The following CRACR2A variants were observed in gnomAD, a reference collection of about 807,000 sequenced individuals.
The protein encoded by CRACR2A is EF-hand calcium-binding domain-containing protein 4B.
CRACR2A carries 79 observed loss-of-function variants against 90.5 expected under a neutral mutation model. The observed-to-expected ratio is 0.87, with a 90% CI of 0.73 to 1.05. The LOEUF is 1.05. Ranked by LOEUF, CRACR2A falls within the 50% of genes least tolerant of loss-of-function variation. The pLI is 0.00. For synonymous variants in CRACR2A, 338 were observed against 356.7 expected (o/e 0.95, Z 0.59); for missense variants, 823 against 897.2 (o/e 0.92, Z 1.06).
intron 1 of CRACR2A, among the ~76,000 whole-genome samples, chr12:3,749,369 C>T (rs2137933681): frequency 6.6e-6 from 1 of 152,314 alleles, no homozygotes; most frequent in Admixed American, 6.5e-5. Flanking sequence ...TCATGTCCAC[C>T]TGGTTATCTC....
intron 3 of CRACR2A, among the ~76,000 whole-genome samples, chr12:3,710,384 C>T (rs1229057651): frequency 6.6e-6 from 1 of 152,148 alleles, no homozygotes; most frequent in Admixed American, 6.5e-5. Flanking sequence ...ACATTTATTT[C>T]TCCCAGTTCT....
At chr12:3,723,017 A>T (rs1311416863) in intron 2 of CRACR2A, among the ~76,000 whole-genome samples, 1 of 152,178 alleles carries the variant, frequency 6.6e-6, no homozygotes, top group African/African-American at 2.4e-5. Flanking sequence ...ACTACATCCA[A>T]AACTGTATGT....
intron 17 of CRACR2A, among the ~76,000 whole-genome samples, chr12:3,624,285 G>C (rs56286913): frequency 6.6e-6 from 1 of 152,152 alleles, no homozygotes; most frequent in African/African-American, 2.4e-5. Flanking sequence ...TGTTATTAAA[G>C]CTCCCCCTCC....
chr12:3,704,723 T>C (rs1478989671), intron 3 of CRACR2A, among the ~76,000 whole-genome samples: 3 of 152,190 alleles, frequency 2.0e-5, no homozygotes, highest in Non-Finnish European at 4.4e-5. Context: ...CATTCAACTC[T>C]GGCAAGCAGG....
At chr12:3,737,103 C>G (rs539495854) in intron 1 of CRACR2A, among the ~76,000 whole-genome samples, 1 of 152,280 alleles carries the variant, frequency 6.6e-6, no homozygotes, top group East Asian at 1.9e-4. Context: ...CATGAAGACA[C>G]ACAAAGGGCT....
At position 3,660,887 on chromosome 12, in the gene CRACR2A, C is replaced by CA. The variant is rs1555111193; in HGVS notation, c.672-1234dup. On this transcript the variant is annotated intron_variant, in intron 7 of 19. Transcript: ENST00000440314. ...ACACACACACACACACACACACACA[C>CA]AATTTTGGCCCCTGCCATTCTAACT... is the stretch of plus-strand genomic sequence containing the variant. 5.2e-3 allele frequency among the ~76,000 whole-genome samples: 614 copies of CA among 118,974 alleles called. 8 individuals are homozygous for CA. Among genetic ancestry groups the CA allele is most frequent in the Middle Eastern group, 0.017 (4 of 234 alleles). The allele number at this position is 118,974 out of a possible 152,430, so 78.1% of individuals were successfully genotyped here. A position where few individuals can be genotyped will look rare whatever the true frequency, so the allele number is the denominator to read the frequency against.
In CRACR2A at chr12:3,648,575, T is replaced by G; in HGVS notation, c.1085A>C (p.Lys362Thr). The change falls in exon 11 of 20, where the codon AAG becomes ACG. Residue 362 changes from lysine (K) to threonine (T), a missense_variant. Coordinates refer to ENST00000440314, the MANE Select transcript of CRACR2A (RefSeq NM_001144958.2). ...YRVTESLQRE[K>T]AGLLKQLDFL... ...ATCCAGCTGCTTGAGGAGCCCGGCCTTCTCACGCTGTAGACTCTCCGTCAC... is the reference window on the plus strand; with the variant it reads ...ATCCAGCTGCTTGAGGAGCCCGGCCGTCTCACGCTGTAGACTCTCCGTCAC... 1 of 1,614,142 alleles carries G rather than the reference T, an allele frequency of 6.2e-7. No individual in the cohort carries two copies. Among genetic ancestry groups the G allele is most frequent in the Non-Finnish European group, 8.5e-7 (1 of 1,180,010 alleles).
chr12:3,713,387 G>T, intron 2 of CRACR2A, 70 bp from the exon 3 acceptor site: 1 of 861,668 alleles, frequency 1.2e-6, no homozygotes, highest in Non-Finnish European at 1.4e-6. Flanking sequence ...TGGCTTTATA[G>T]CAATTTTGGA....
chr12:3,744,203 T>C (rs1484083266), intron 1 of CRACR2A, among the ~76,000 whole-genome samples: 1 of 152,216 alleles, frequency 6.6e-6, no homozygotes, highest in Admixed American at 6.5e-5. Context: ...TCATAGTATG[T>C]GTGTAATTAG....
In CRACR2A at chr12:3,644,638, T is replaced by A; in HGVS notation, c.1121A>T (p.Glu374Val). 6.4e-6 allele frequency: 10 copies of A among 1,551,662 alleles called. No individual in the cohort carries two copies. The highest frequency in any genetic ancestry group is 8.7e-6 in the Non-Finnish European group (10 of 1,146,976). Residue 374 changes from glutamate to valine, a missense_variant and splice_region_variant, in exon 12 of 20, where the codon GAA becomes GTA. Physicochemically the swap from Glu to Val is moderately radical, Grantham distance 121. Coordinates refer to ENST00000440314, the MANE Select transcript of CRACR2A (RefSeq NM_001144958.2). Reference sequence around the variant, plus strand: ...TTCATCCCGAAGGTGCTTGTTCCTTTCCCTGTGGATGGTAAAGGGGAATCT... The same window carrying A: ...TTCATCCCGAAGGTGCTTGTTCCTTACCCTGTGGATGGTAAAGGGGAATCT... ...GLLKQLDFLR[E>V]RNKHLRDERD...
chr12:3,645,673 A>T (rs1194388151), intron 11 of CRACR2A, among the ~76,000 whole-genome samples: 1 of 152,194 alleles, frequency 6.6e-6, no homozygotes, highest in Non-Finnish European at 1.5e-5. Context: ...CAACCTGGGT[A>T]AGAACCGTTT....
rs11831419 is a variant in CRACR2A, at chr12:3,648,988, A to C, written c.1047-375T>G. Among the ~76,000 whole-genome samples the C allele has an allele frequency of 3.2e-3, 487 of 152,170 alleles. 3 individuals are homozygous for C. The highest frequency in any genetic ancestry group is 0.011 in the African/African-American group (446 of 41,530). Reference sequence around the variant, plus strand: ...ACTAAAGAGTTGGTCCAGGCTCAAAAACCAAACACCACATGTTCTCACTCA... The same window carrying C: ...ACTAAAGAGTTGGTCCAGGCTCAAACACCAAACACCACATGTTCTCACTCA... On this transcript the variant is annotated intron_variant, in intron 10 of 19. Coordinates refer to ENST00000440314, the MANE Select transcript of CRACR2A (RefSeq NM_001144958.2).
intron 4 of CRACR2A, among the ~76,000 whole-genome samples, chr12:3,689,729 C>T (rs1477787786): frequency 1.3e-5 from 2 of 151,274 alleles, no homozygotes; most frequent in Non-Finnish European, 2.9e-5. Context: ...AGAGGAATCT[C>T]TCCTCCTCAA....
chr12:3,648,286 G>A (rs981053822), intron 11 of CRACR2A: 1 of 1,403,160 alleles, frequency 7.1e-7, no homozygotes, highest in African/African-American at 1.4e-5. Context: ...AGTCCTGTGA[G>A]GGACTCAGAG....
chr12:3,638,384 G>A lies in CRACR2A; in HGVS notation c.1342C>T (p.Leu448=). The A allele has an allele frequency of 6.4e-7, 1 of 1,551,670 alleles. No homozygotes were observed. Among genetic ancestry groups the A allele is most frequent in the Admixed American group, 2.0e-5 (1 of 50,998 alleles). ...RSSLGLSGYP[L]TEEEPGTGEP... ...CCGGTTCCTGGCTCCTCTTCTGTTAGGGGATATCCACTCAGGCCCAGGGAG... is the reference window on the plus strand; with the variant it reads ...CCGGTTCCTGGCTCCTCTTCTGTTAAGGGATATCCACTCAGGCCCAGGGAG... The change falls in exon 14 of 20, where the codon CTA becomes TTA. Residue 448 remains leucine, a synonymous_variant. Coordinates refer to ENST00000440314, the MANE Select transcript of CRACR2A (RefSeq NM_001144958.2).
At chr12:3,668,615 C>A (rs1018858825) in intron 7 of CRACR2A, among the ~76,000 whole-genome samples, 1 of 152,220 alleles carries the variant, frequency 6.6e-6, no homozygotes, top group African/African-American at 2.4e-5. Flanking sequence ...ATGATGACAT[C>A]TCTTCCCTGA....
At chr12:3,630,727 G>A (rs546448433) in intron 15 of CRACR2A, among the ~76,000 whole-genome samples, 9 of 152,212 alleles carry the variant, frequency 5.9e-5, no homozygotes, top group Non-Finnish European at 1.2e-4. Context: ...AAAACCATCC[G>A]TGCTGCCTCC....
intron 7 of CRACR2A, among the ~76,000 whole-genome samples, chr12:3,661,752 A>T (rs139016186): frequency 4.7e-4 from 72 of 152,358 alleles, no homozygotes; most frequent in African/African-American, 1.7e-3. Flanking sequence ...ATGGTAAATG[A>T]TATCAAGGAA....
chr12:3,617,096 G>C, intron 18 of CRACR2A, 66 bp from the exon 19 acceptor site: 1 of 1,233,984 alleles, frequency 8.1e-7, no homozygotes. Flanking sequence ...GGGGTGGTGG[G>C]AGAGCCCCCT....
Sources: gnomAD v4.1 joint callset for allele counts (sites outside exome capture counted in the v4.1 genomes callset) on GRCh38, gnomAD v4.1.1 for gene constraint, MANE v1.5 for transcripts, NCBI Gene and HGNC (gene_info 2026-07-23, HGNC 2026-07-21) for gene names.